Variants in FAM114A2 observed in about 807,000 individuals in gnomAD.
FAM114A2 encodes the protein protein FAM114A2.
In FAM114A2, 53 loss-of-function variants were observed where a neutral mutation model predicts 58.4. The observed-to-expected ratio is 0.91, with a 90% CI of 0.73 to 1.14. The LOEUF is 1.14. Ranked by LOEUF, FAM114A2 falls within the 50% of genes most tolerant of loss-of-function variation. The pLI is 0.00. For missense variants in FAM114A2, 601 were observed against 581.1 expected, an observed-to-expected ratio of 1.03 and a Z score of -0.35; for synonymous variants, 228 against 211.4, an observed-to-expected ratio of 1.08 and a Z score of -0.68.
chr5:154,028,024 A>C, intron 6 of FAM114A2, 125 bp downstream of exon 6: 1 of 835,772 alleles, frequency 1.2e-6, no homozygotes, highest in Non-Finnish European at 1.9e-6. Flanking sequence ...CCCCCCAAAA[A>C]AACGCCTGAA....
At chr5:154,033,166 A>G (rs1056878190) in intron 4 of FAM114A2, among the ~76,000 whole-genome samples, 3 of 152,238 alleles carry the variant, frequency 2.0e-5, no homozygotes, top group Non-Finnish European at 2.9e-5. Flanking sequence ...TGCTTCAAGA[A>G]AAAAACTGAG....
chr5:154,026,957 GT>G (rs1771824835), intron 7 of FAM114A2, among the ~76,000 whole-genome samples: 1 of 148,662 alleles, frequency 6.7e-6, no homozygotes, highest in African/African-American at 2.5e-5. Context: ...AACCTTTTTT[GT>G]TTAAATTTAA....
rs1447199843 is a variant in FAM114A2 at position 154,002,504 on chromosome 5, TAAAG to T, written c.1117-118_1117-115del. ...GCAGAGACTAATAGTTGCCTTCCAA[TAAAG>T]AGTGTCTTCTTCTTCCACAGTAGTG... On this transcript the variant is annotated intron_variant, in intron 10 of 13. Transcript: ENST00000351797. The T allele has an allele frequency of 6.3e-6, 7 of 1,119,146 alleles. No homozygotes were observed. The African/African-American group carries it at 1.3e-4, about 20-fold the overall frequency. The allele number at this position is 1,119,146 out of a possible 1,614,324, so 69.3% of individuals were successfully genotyped here. A position where few individuals can be genotyped will look rare whatever the true frequency, so the allele number is the denominator to read the frequency against.
intron 3 of FAM114A2, 30 bp from the exon 4 acceptor site, chr5:154,033,913 T>A: frequency 7.2e-7 from 1 of 1,389,316 alleles, no homozygotes; most frequent in Non-Finnish European, 1.0e-6. Context: ...TTTTTTTTGC[T>A]ATTTGTCACC....
At chr5:154,023,227 T>C (rs1771547727) in intron 8 of FAM114A2, among the ~76,000 whole-genome samples, 1 of 152,158 alleles carries the variant, frequency 6.6e-6, no homozygotes, top group East Asian at 1.9e-4. Flanking sequence ...ACGGCACATG[T>C]ATACATACGT....
intron 4 of FAM114A2, among the ~76,000 whole-genome samples, chr5:154,030,379 C>T (rs984804580): frequency 6.6e-6 from 1 of 152,198 alleles, no homozygotes; most frequent in Non-Finnish European, 1.5e-5. Flanking sequence ...ACTTCCACTT[C>T]TAGCATGATG....
At chr5:154,000,368 C>T (rs560897907) in intron 11 of FAM114A2, among the ~76,000 whole-genome samples, 2 of 152,204 alleles carry the variant, frequency 1.3e-5, no homozygotes, top group African/African-American at 4.8e-5. Flanking sequence ...ATGATACCAA[C>T]ATATAGACAT....
In FAM114A2 at chr5:154,023,015, T is replaced by G. The variant is rs1024646534; in HGVS notation, c.913+3384A>C. The stretch of plus-strand genomic sequence containing the variant: ...CATGGATGAAGCTGGAAACCATCAT[T>G]CTGAGCAAACTATCACAAGGACAGA... On this transcript the variant is annotated intron_variant, in intron 8 of 13. Coordinates refer to ENST00000351797, the MANE Select transcript of FAM114A2 (RefSeq NM_018691.4). Among the ~76,000 whole-genome samples the G allele has an allele frequency of 7.2e-5, 11 of 152,062 alleles. 1 individual carries two copies. The highest frequency in any genetic ancestry group is 1.6e-4 in the Non-Finnish European group (11 of 68,006).
At chr5:154,010,679 C>T (rs890934013) in intron 9 of FAM114A2, among the ~76,000 whole-genome samples, 2 of 152,186 alleles carry the variant, frequency 1.3e-5, no homozygotes, top group African/African-American at 4.8e-5. Flanking sequence ...CACAGAACCT[C>T]CCTACCCACT....
intron 8 of FAM114A2, among the ~76,000 whole-genome samples, chr5:154,016,278 TCATCGCAAAAAGAC>T (rs1328328594): frequency 1.3e-5 from 2 of 152,178 alleles, no homozygotes; most frequent in Non-Finnish European, 2.9e-5. Context: ...TCTGGGAAAT[TCATCGCAAAAAGAC>T]CATCGCCTAG....
At position 154,028,208 on chromosome 5, in the gene FAM114A2, CT is replaced by C; in HGVS notation, c.570del (p.Asp192IlefsTer10). ...IGKKTMDVIAEGDPGFKRTKG... is the reference protein window; with the variant it reads ...IGKKTMDVIAXGDPGFKRTKG... ...TTGGTTCTTTTAAATCCAGGATCCCCTTCTGCTATCACATCCATTGTCTTTT... is the reference window on the plus strand; with the variant it reads ...TTGGTTCTTTTAAATCCAGGATCCCCTCTGCTATCACATCCATTGTCTTTT... On this transcript the variant is annotated frameshift_variant, in exon 6 of 14. Coordinates refer to ENST00000351797, the MANE Select transcript of FAM114A2 (RefSeq NM_018691.4). LOFTEE classifies it high-confidence loss of function. 1 of 1,612,016 alleles carries C rather than the reference CT, an allele frequency of 6.2e-7. No individual in the cohort carries two copies.
At chr5:154,037,350 C>T (rs1177632609) in intron 1 of FAM114A2, 1 of 152,186 alleles carries the variant, frequency 6.6e-6, no homozygotes, top group East Asian at 1.9e-4. Flanking sequence ...GAGAAAAAAT[C>T]CAGATACAAC....
intron 8 of FAM114A2, among the ~76,000 whole-genome samples, chr5:154,014,541 G>C (rs1347060664): frequency 6.6e-6 from 1 of 152,196 alleles, no homozygotes; most frequent in Non-Finnish European, 1.5e-5. Context: ...CCCCACTGGG[G>C]AACCTGAGGG....
chr5:154,013,561 A>G (rs1032232638), intron 8 of FAM114A2, among the ~76,000 whole-genome samples: 1 of 152,218 alleles, frequency 6.6e-6, no homozygotes, highest in Non-Finnish European at 1.5e-5. Flanking sequence ...AGGAGAAAAA[A>G]ATATCATAGA....
intron 11 of FAM114A2, among the ~76,000 whole-genome samples, chr5:154,001,214 AT>A (rs1769949394): frequency 6.6e-6 from 1 of 152,240 alleles, no homozygotes; most frequent in Admixed American, 6.5e-5. Flanking sequence ...ACACATATAT[AT>A]TCATATACAT....
chr5:154,035,858 C>T (rs1473945611), intron 1 of FAM114A2, among the ~76,000 whole-genome samples: 2 of 152,146 alleles, frequency 1.3e-5, no homozygotes, highest in African/African-American at 4.8e-5. Context: ...TTGACATTGT[C>T]CCTATTTTTT....
intron 11 of FAM114A2, among the ~76,000 whole-genome samples, chr5:154,001,038 A>G (rs947116301): frequency 1.3e-5 from 2 of 152,194 alleles, no homozygotes; most frequent in Non-Finnish European, 2.9e-5. Context: ...ATAGTTACCT[A>G]AAGTCTTGTG....
intron 9 of FAM114A2, among the ~76,000 whole-genome samples, chr5:154,008,182 C>A (rs1770469205): frequency 1.3e-5 from 2 of 152,062 alleles, no homozygotes; most frequent in Admixed American, 1.3e-4. Context: ...ATCTGCTTAT[C>A]TTTACAAAAA....
chr5:154,028,326 CAT>C (rs775865472), intron 5 of FAM114A2, 43 bp from the exon 6 acceptor site: 11 of 1,387,056 alleles, frequency 7.9e-6, no homozygotes, highest in East Asian at 4.6e-5. Context: ...ATTAAGAAAA[CAT>C]ATTTTTATGC....
Sources: allele counts gnomAD v4.1 joint callset (sites outside exome capture counted in the v4.1 genomes callset), GRCh38; gene constraint gnomAD v4.1.1; transcripts MANE v1.5; gene names NCBI Gene and HGNC (gene_info 2026-07-23, HGNC 2026-07-21).